Variants in PLXNA2 observed in about 807,000 individuals in gnomAD.
PLXNA2 encodes the protein plexin A2, also known as plexin-A2.
PLXNA2 carries 91 observed loss-of-function variants against 193.5 expected under a neutral mutation model. The observed-to-expected ratio is 0.47, with a 90% CI of 0.40 to 0.56. The LOEUF (loss-of-function observed/expected upper bound fraction) is 0.56. PLXNA2 is among the 20% of genes least tolerant of loss of function. The pLI is 0.00. For synonymous variants in PLXNA2, 997 were observed against 1,027.3 expected (o/e 0.97, Z 0.56); for missense variants, 1,995 against 2,503.2 (o/e 0.80, Z 4.33).
intron 3 of PLXNA2, among the ~76,000 whole-genome samples, chr1:208,151,104 G>A (rs1668750636): frequency 6.6e-6 from 1 of 152,182 alleles, no homozygotes; most frequent in South Asian, 2.1e-4. Context: ...TAAACACAGT[G>A]GAGACAGCCG....
At position 208,022,316 on chromosome 1, in the gene PLXNA2, C is replaced by T. The variant is rs1474628239; in HGVS notation, c.*4927G>A. Reference sequence around the variant, plus strand: ...ATAACAACAGTACAAATTGTGTCCTCAGCTTGCAAAATAGGAGTGTTTCAT... The same window carrying T: ...ATAACAACAGTACAAATTGTGTCCTTAGCTTGCAAAATAGGAGTGTTTCAT... On this transcript the variant is annotated 3_prime_UTR_variant, in exon 32 of 32. Coordinates refer to ENST00000367033, the MANE Select transcript of PLXNA2 (RefSeq NM_025179.4). 6.6e-6 allele frequency: 1 copy of T among 152,328 alleles called. No individual in the cohort carries two copies. Among genetic ancestry groups the T allele is most frequent in the Non-Finnish European group, 1.5e-5 (1 of 68,016 alleles). The allele number at this position is 152,328 out of a possible 1,614,324, so 9.4% of individuals were successfully genotyped here.
intron 12 of PLXNA2, among the ~76,000 whole-genome samples, chr1:208,071,766 C>A (rs760747397): frequency 1.3e-5 from 2 of 152,188 alleles, no homozygotes; most frequent in Non-Finnish European, 2.9e-5. Context: ...ATTAATGAGG[C>A]CTGCAAATAA....
chr1:208,242,341 C>G (rs1290332725), intron 1 of PLXNA2, among the ~76,000 whole-genome samples: 1 of 152,162 alleles, frequency 6.6e-6, no homozygotes, highest in Non-Finnish European at 1.5e-5. Context: ...CCCAGGCCAG[C>G]CAAGATACTC....
intron 29 of PLXNA2, 140 bp downstream of exon 29, chr1:208,031,450 T>G (rs899602799): frequency 2.2e-6 from 1 of 447,332 alleles, no homozygotes; most frequent in African/African-American, 3.0e-5. Context: ...ATATGTGCAC[T>G]GTTTGTTCCA....
At chr1:208,165,210 G>A (rs939522517) in intron 3 of PLXNA2, among the ~76,000 whole-genome samples, 7 of 152,170 alleles carry the variant, frequency 4.6e-5, no homozygotes, top group African/African-American at 1.7e-4. Flanking sequence ...TCTCTGGTGG[G>A]TGCACCCAAG....
chr1:208,201,848 T>C (rs191511097), intron 3 of PLXNA2, among the ~76,000 whole-genome samples: 111 of 152,276 alleles, frequency 7.3e-4, no homozygotes, highest in African/African-American at 2.6e-3. Context: ...ATCCCTTCCA[T>C]GAATTATTTC....
intron 12 of PLXNA2, among the ~76,000 whole-genome samples, chr1:208,061,921 T>C (rs1257409993): frequency 6.6e-6 from 1 of 152,242 alleles, no homozygotes; most frequent in Non-Finnish European, 1.5e-5. Flanking sequence ...TATCTTATTC[T>C]AAGATACTTA....
At chr1:208,076,276 G>A (rs1371707963) in intron 12 of PLXNA2, among the ~76,000 whole-genome samples, 1 of 151,944 alleles carries the variant, frequency 6.6e-6, no homozygotes, top group Non-Finnish European at 1.5e-5. Context: ...TCAGGATTCT[G>A]CTATGTTGCC....
chr1:208,090,331 G>A lies in PLXNA2; in HGVS notation c.2097+2455C>T, dbSNP rs1024425660. On this transcript the variant is annotated intron_variant, in intron 9 of 31. Transcript: ENST00000367033. ...CCCTAAGCCACAGACATCAAGGACA[G>A]AAAATGAAACAAAAAGGAGGTGGGG... Among the ~76,000 whole-genome samples the A allele has an allele frequency of 4.6e-5, 7 of 152,200 alleles. No individual in the cohort carries two copies. The South Asian group carries it at 1.2e-3, about 27-fold the overall frequency.
At chr1:208,055,935 A>G (rs1207949822) in intron 13 of PLXNA2, among the ~76,000 whole-genome samples, 1 of 152,250 alleles carries the variant, frequency 6.6e-6, no homozygotes, top group East Asian at 1.9e-4. Flanking sequence ...CTGAACGCAT[A>G]TGGAAGAATA....
intron 4 of PLXNA2, among the ~76,000 whole-genome samples, chr1:208,123,924 G>A (rs1053994448): frequency 3.3e-5 from 5 of 152,094 alleles, no homozygotes; most frequent in African/African-American, 9.7e-5. Context: ...GGAGAGTTAC[G>A]GGAATGACCA....
At chr1:208,175,964 A>ATGGCTCAATTCTGTTTCTGT (rs1669651397) in intron 3 of PLXNA2, among the ~76,000 whole-genome samples, 1 of 152,184 alleles carries the variant, frequency 6.6e-6, no homozygotes. Flanking sequence ...GAATTGATGG[A>ATGGCTCAATTCTGTTTCTGT]TGGCTCAATT....
chr1:208,231,080 C>A (rs1394830675), intron 1 of PLXNA2, among the ~76,000 whole-genome samples: 3 of 152,146 alleles, frequency 2.0e-5, no homozygotes. Context: ...ACATTTGAGA[C>A]CCTTGAGGCG....
At chr1:208,188,975 C>T (rs1314783450) in intron 3 of PLXNA2, among the ~76,000 whole-genome samples, 1 of 152,144 alleles carries the variant, frequency 6.6e-6, no homozygotes, top group Non-Finnish European at 1.5e-5. Context: ...GGATAAGCCA[C>T]CTTAGGATGG....
intron 3 of PLXNA2, among the ~76,000 whole-genome samples, chr1:208,151,954 C>T (rs919748595): frequency 6.6e-6 from 1 of 152,186 alleles, no homozygotes; most frequent in African/African-American, 2.4e-5. Flanking sequence ...TCCTGGGGAA[C>T]AAAATAGATC....
chr1:208,210,016 T>C lies in PLXNA2; in HGVS notation c.1371+264A>G, dbSNP rs74155208. 0.02 allele frequency: 4,374 copies of C among 219,716 alleles called. 203 individuals are homozygous for C. The highest frequency in any genetic ancestry group is 0.1 in the East Asian group (742 of 7,456). The allele number at this position is 219,716 out of a possible 1,614,324, so 13.6% of individuals were successfully genotyped here. ...TTTTTTTTTTTTTTGCTTTTGCAGA[T>C]GTACCTTCTTAAAGTTTTTTCTTAA... On this transcript the variant is annotated intron_variant, in intron 3 of 31. Transcript: ENST00000367033.
rs564998448 is a variant in PLXNA2 at position 208,060,635 on chromosome 1, G to A, written c.2738+51C>T. ...AGGAAGGGAGAGGGGAGAGTCTCCA[G>A]TCTCCACTCTGAAGCTCCCATGGGA... On this transcript the variant is annotated intron_variant, in intron 13 of 31. Coordinates refer to ENST00000367033, the MANE Select transcript of PLXNA2 (RefSeq NM_025179.4). 4.6e-5 allele frequency: 71 copies of A among 1,530,820 alleles called. No homozygotes were observed. The South Asian group carries it at 7.7e-4, about 17-fold the overall frequency. The allele number at this position is 1,530,820 out of a possible 1,614,324, so 94.8% of individuals were successfully genotyped here.
rs372632260 is a variant in PLXNA2, at chr1:208,066,034, A to ATG, written c.2587-5199_2587-5198dup. 7.7e-3 allele frequency among the ~76,000 whole-genome samples: 1,152 copies of ATG among 149,880 alleles called. 14 individuals are homozygous for ATG. Among genetic ancestry groups the ATG allele is most frequent in the African/African-American group, 0.026 (1,074 of 41,080 alleles). On this transcript the variant is annotated intron_variant, in intron 12 of 31. Transcript: ENST00000367033. The stretch of plus-strand genomic sequence containing the variant: ...AATGATTTGACAGTTTGGGGGGTGT[A>ATG]TGTGTGTGTGTGTGTGAGTGAGTGT...
chr1:208,078,123 T>A (rs970878422), intron 12 of PLXNA2, among the ~76,000 whole-genome samples: 2 of 152,234 alleles, frequency 1.3e-5, no homozygotes, highest in Non-Finnish European at 2.9e-5. Flanking sequence ...CTTGGGCATG[T>A]CACTCAATTT....
Sources: gnomAD v4.1 joint callset for allele counts (sites outside exome capture counted in the v4.1 genomes callset) on GRCh38, gnomAD v4.1.1 for gene constraint, MANE v1.5 for transcripts, NCBI Gene and HGNC (gene_info 2026-07-23, HGNC 2026-07-21) for gene names.